NFIA: variants seen among roughly 807,000 people sequenced by gnomAD.
NFIA encodes nuclear factor 1 A-type.
NFIA carries 8 observed loss-of-function variants against 62.8 expected under a neutral mutation model. The observed-to-expected ratio is 0.13, with a 90% CI of 0.07 to 0.23. The LOEUF is 0.23. Among genes scored for constraint, NFIA ranks in the 10% least tolerant of loss-of-function variants. The pLI is 1.00. For missense variants in NFIA, 410 were observed against 642.1 expected (o/e 0.64, Z 3.91); for synonymous variants, 235 against 238.1 (o/e 0.99, Z 0.12).
intron 2 of NFIA, among the ~76,000 whole-genome samples, chr1:61,272,655 G>A (rs573667480): frequency 1.3e-5 from 2 of 152,228 alleles, no homozygotes; most frequent in South Asian, 4.1e-4. Flanking sequence ...CATCTTTAAG[G>A]TCTACAGTTG....
At chr1:61,280,268 T>C (rs1297084479) in intron 3 of NFIA, among the ~76,000 whole-genome samples, 2 of 152,234 alleles carry the variant, frequency 1.3e-5, no homozygotes, top group African/African-American at 2.4e-5. Flanking sequence ...ATGTTTCCTC[T>C]TTTTCATTAC....
At chr1:61,388,735 G>A (rs964549603) in intron 7 of NFIA, among the ~76,000 whole-genome samples, 2 of 152,200 alleles carry the variant, frequency 1.3e-5, no homozygotes, top group African/African-American at 2.4e-5. Flanking sequence ...CCCAGTATCA[G>A]TGAAGATTGT....
intron 2 of NFIA, among the ~76,000 whole-genome samples, chr1:61,142,913 G>A (rs969849470): frequency 6.6e-5 from 10 of 152,140 alleles, no homozygotes; most frequent in Admixed American, 6.6e-4. Flanking sequence ...CTCTTCTGAT[G>A]CACTCACCCT....
intron 9 of NFIA, among the ~76,000 whole-genome samples, chr1:61,424,421 A>G (rs1370168835): frequency 1.3e-5 from 2 of 151,690 alleles, no homozygotes; most frequent in African/African-American, 4.8e-5. Flanking sequence ...GTATGGTAAG[A>G]ATGTCATAGG....
intron 2 of NFIA, among the ~76,000 whole-genome samples, chr1:61,108,446 G>A (rs981123212): frequency 6.6e-6 from 1 of 151,444 alleles, no homozygotes; most frequent in Admixed American, 6.6e-5. Context: ...CTTATATTCA[G>A]CGATATTTAC....
rs566933938 is a variant in NFIA at position 61,342,322 on chromosome 1, C to G, written c.700+9736C>G. 4.8e-4 allele frequency among the ~76,000 whole-genome samples: 73 copies of G among 152,156 alleles called. 1 individual carries two copies. The South Asian group carries it at 0.011, about 24-fold the overall frequency. The stretch of plus-strand genomic sequence containing the variant: ...TATTGGTTGTGGGGCTTATGTTTAG[C>G]TTAGCCCTTCCCTGGTTTATAGATC... On this transcript the variant is annotated intron_variant, in intron 4 of 10. Transcript: ENST00000403491.
At chr1:61,359,625 G>A (rs1286257657) in intron 6 of NFIA, among the ~76,000 whole-genome samples, 1 of 152,076 alleles carries the variant, frequency 6.6e-6, no homozygotes, top group Non-Finnish European at 1.5e-5. Context: ...CTGTCGCCCG[G>A]GCTGGAGTAC....
intron 2 of NFIA, among the ~76,000 whole-genome samples, chr1:61,141,584 G>A (rs924118770): frequency 6.6e-6 from 1 of 152,174 alleles, no homozygotes; most frequent in Non-Finnish European, 1.5e-5. Context: ...CAAGAAAAAG[G>A]AATACTAACA....
At chr1:61,250,935 A>G (rs981390449) in intron 2 of NFIA, 3 of 152,198 alleles carry the variant, frequency 2.0e-5, no homozygotes, top group African/African-American at 7.2e-5. Flanking sequence ...AACTGCATAC[A>G]TCTCTTTCTT....
chr1:61,439,284 G>C (rs1312978616), intron 10 of NFIA, among the ~76,000 whole-genome samples: 4 of 152,180 alleles, frequency 2.6e-5, no homozygotes, highest in South Asian at 4.2e-4. Context: ...TGTTACAAGA[G>C]AAGAATAGAA....
chr1:61,165,078 T>C (rs1649482707), intron 2 of NFIA, among the ~76,000 whole-genome samples: 1 of 152,222 alleles, frequency 6.6e-6, no homozygotes, highest in Middle Eastern at 3.2e-3. Flanking sequence ...GAGGGAACAT[T>C]GTATAAATTT....
intron 9 of NFIA, among the ~76,000 whole-genome samples, chr1:61,419,197 C>T (rs892903605): frequency 6.6e-6 from 1 of 152,156 alleles, no homozygotes; most frequent in Non-Finnish European, 1.5e-5. Context: ...AATCCCAGCA[C>T]TTTGGGAGGC....
chr1:61,393,244 C>CTCT (rs1665079310), intron 7 of NFIA, among the ~76,000 whole-genome samples: 20 of 29,100 alleles, frequency 6.9e-4, no homozygotes, highest in Non-Finnish European at 7.3e-4. Flanking sequence ...TCGCCCTCTC[C>CTCT]CTCTCTCTCT....
At chr1:61,240,904 A>C (rs184171536) in intron 2 of NFIA, among the ~76,000 whole-genome samples, 3 of 152,154 alleles carry the variant, frequency 2.0e-5, no homozygotes, top group Admixed American at 1.3e-4. Flanking sequence ...ACTTTGTCAG[A>C]AAACTGTATA....
At chr1:61,390,537 T>C (rs535044582) in intron 7 of NFIA, among the ~76,000 whole-genome samples, 9 of 152,262 alleles carry the variant, frequency 5.9e-5, no homozygotes, top group Admixed American at 4.6e-4. Context: ...CTGGCCCAAA[T>C]AGGGATCTTG....
chr1:61,260,825 C>T (rs1656722858), intron 2 of NFIA, among the ~76,000 whole-genome samples: 1 of 152,270 alleles, frequency 6.6e-6, no homozygotes, highest in East Asian at 1.9e-4. Flanking sequence ...CATGATCTGC[C>T]CACCTCGGCC....
chr1:61,200,893 A>C (rs961038349), intron 2 of NFIA, among the ~76,000 whole-genome samples: 1 of 152,234 alleles, frequency 6.6e-6, no homozygotes, highest in Non-Finnish European at 1.5e-5. Flanking sequence ...TTATGGCTGT[A>C]GACAAGTTAT....
intron 4 of NFIA, among the ~76,000 whole-genome samples, chr1:61,346,486 T>C (rs1390881714): frequency 6.6e-6 from 1 of 152,260 alleles, no homozygotes; most frequent in Non-Finnish European, 1.5e-5. Context: ...ATACATCTTA[T>C]TGATATTTTA....
intron 5 of NFIA, among the ~76,000 whole-genome samples, chr1:61,357,499 C>T (rs1009778459): frequency 3.3e-5 from 5 of 152,094 alleles, no homozygotes; most frequent in Non-Finnish European, 7.4e-5. Context: ...TAGAGCAGCC[C>T]TGCCTCTGCC....
Sources: allele counts gnomAD v4.1 joint callset (sites outside exome capture counted in the v4.1 genomes callset), GRCh38; gene constraint gnomAD v4.1.1; transcripts MANE v1.5; gene names NCBI Gene and HGNC (gene_info 2026-07-23, HGNC 2026-07-21).